SUPT3H: variants seen among roughly 807,000 people sequenced by gnomAD.
SUPT3H encodes transcription initiation protein SPT3 homolog.
SUPT3H carries 44 observed loss-of-function variants against 44.3 expected under a neutral mutation model. The ratio of observed to expected loss-of-function variants is 0.99; its 90% CI spans 0.78 to 1.28. The LOEUF is 1.28. Ranked by LOEUF, SUPT3H falls within the 50% of genes most tolerant of loss-of-function variation. SUPT3H has a pLI of 0.00. For missense variants in SUPT3H, 380 were observed against 387.1 expected (o/e 0.98, Z 0.15); for synonymous variants, 124 against 125.6 (o/e 0.99, Z 0.09).
chr6:45,153,807 C>A (rs1179194049), intron 2 of SUPT3H, among the ~76,000 whole-genome samples: 1 of 152,098 alleles, frequency 6.6e-6, no homozygotes, highest in African/African-American at 2.4e-5. Flanking sequence ...GTGGCTCACG[C>A]CTGTAATCCC....
intron 2 of SUPT3H, among the ~76,000 whole-genome samples, chr6:45,326,381 T>C (rs889247116): frequency 6.6e-6 from 1 of 151,884 alleles, no homozygotes; most frequent in Non-Finnish European, 1.5e-5. Context: ...CTCCTTTTGT[T>C]TACTTTGGAT....
At chr6:44,855,099 T>C (rs1773512693) in intron 10 of SUPT3H, among the ~76,000 whole-genome samples, 1 of 152,346 alleles carries the variant, frequency 6.6e-6, no homozygotes, top group African/African-American at 2.4e-5. Flanking sequence ...AAGAAACTCA[T>C]GTTTTCTGAT....
rs146988847 is a variant in SUPT3H, at chr6:45,282,267, G to A, written c.101+82934C>T. ...GACTTTGACAAGTTGAGAGAAGAAG[G>A]TTTCAGACAATCAAACTAATCCGAG... On this transcript the variant is annotated intron_variant, in intron 2 of 10. Coordinates refer to ENST00000371459, the MANE Select transcript of SUPT3H (RefSeq NM_003599.4). Among the ~76,000 whole-genome samples, 1,134 of 152,280 alleles carry A rather than the reference G, an allele frequency of 7.4e-3. 9 individuals carry two copies. The highest frequency in any genetic ancestry group is 0.011 in the Non-Finnish European group (749 of 68,014).
chr6:45,174,136 A>G (rs2153607968), intron 2 of SUPT3H, among the ~76,000 whole-genome samples: 1 of 152,362 alleles, frequency 6.6e-6, no homozygotes, highest in South Asian at 2.1e-4. Context: ...AAGAAACCTG[A>G]AAAAGACTTT....
chr6:45,295,227 A>C (rs1780954247), intron 2 of SUPT3H, among the ~76,000 whole-genome samples: 1 of 152,092 alleles, frequency 6.6e-6, no homozygotes, highest in South Asian at 2.1e-4. Context: ...AAAAACAAAC[A>C]AACAAAACAT....
intron 10 of SUPT3H, among the ~76,000 whole-genome samples, chr6:44,930,996 T>G (rs1480206273): frequency 6.6e-6 from 1 of 152,160 alleles, no homozygotes; most frequent in Non-Finnish European, 1.5e-5. Context: ...GGAAAAGATA[T>G]ACACACACAC....
At chr6:45,303,201 TGGCTTAGGCAAA>T (rs1159031315) in intron 2 of SUPT3H, among the ~76,000 whole-genome samples, 1 of 152,134 alleles carries the variant, frequency 6.6e-6, no homozygotes, top group Non-Finnish European at 1.5e-5. Context: ...TTCTAGACCC[TGGCTTAGGCAAA>T]GACTTCATGA....
chr6:45,184,257 G>A (rs1341788041), intron 2 of SUPT3H, among the ~76,000 whole-genome samples: 2 of 152,116 alleles, frequency 1.3e-5, no homozygotes, highest in Non-Finnish European at 2.9e-5. Flanking sequence ...CGCCTCTGAA[G>A]TGTATGCTTA....
At chr6:45,187,830 T>G (rs1177768149) in intron 2 of SUPT3H, among the ~76,000 whole-genome samples, 1 of 152,200 alleles carries the variant, frequency 6.6e-6, no homozygotes, top group Non-Finnish European at 1.5e-5. Flanking sequence ...GCAAATCAAG[T>G]CTGGCAATAT....
chr6:45,184,093 C>T (rs1813751241), intron 2 of SUPT3H, among the ~76,000 whole-genome samples: 1 of 151,964 alleles, frequency 6.6e-6, no homozygotes, highest in South Asian at 2.1e-4. Flanking sequence ...TAATGCAAGA[C>T]GTTAATAAGT....
At chr6:44,892,141 T>C (rs1273962712) in intron 10 of SUPT3H, among the ~76,000 whole-genome samples, 1 of 152,184 alleles carries the variant, frequency 6.6e-6, no homozygotes, top group Non-Finnish European at 1.5e-5. Context: ...AGAACTGCTA[T>C]GGACTGAACT....
intron 2 of SUPT3H, among the ~76,000 whole-genome samples, chr6:45,108,756 T>A (rs1799642394): frequency 6.6e-6 from 1 of 152,056 alleles, no homozygotes; most frequent in African/African-American, 2.4e-5. Context: ...TTAAACCCTT[T>A]AAGAACCAGA....
rs1320997943 is a variant in SUPT3H at position 45,121,574 on chromosome 6, ATATTTAACATTTTAAATTAACCTGT to A, written c.102-15593_102-15569del. Among the ~76,000 whole-genome samples, 4 of 152,258 alleles carry A rather than the reference ATATTTAACATTTTAAATTAACCTGT, an allele frequency of 2.6e-5. No individual in the cohort carries two copies. The East Asian group carries it at 7.7e-4, about 29-fold the overall frequency. On this transcript the variant is annotated intron_variant, in intron 2 of 10. Transcript: ENST00000371459. The stretch of plus-strand genomic sequence containing the variant: ...TTTCACAGTTGAATGACTCAAAACA[ATATTTAACATTTTAAATTAACCTGT>A]TCATAATGCAGTATTCAATTCTTCA...
chr6:45,167,666 G>GTT lies in SUPT3H; in HGVS notation c.102-61662_102-61661dup, dbSNP rs60203219. Among the ~76,000 whole-genome samples the GTT allele has an allele frequency of 8.5e-3, 1,236 of 145,746 alleles. 10 individuals carry two copies. Among genetic ancestry groups the GTT allele is most frequent in the Admixed American group, 0.012 (169 of 14,574 alleles). ...ACACAAGACACTTGTGATTTTGGCT[G>GTT]TTTTTTTTTTTCTAGCTGGAATAAG... On this transcript the variant is annotated intron_variant, in intron 2 of 10. Coordinates refer to ENST00000371459, the MANE Select transcript of SUPT3H (RefSeq NM_003599.4).
chr6:44,890,773 A>AT (rs1554150486), intron 10 of SUPT3H, among the ~76,000 whole-genome samples: 1 of 150,336 alleles, frequency 6.7e-6, no homozygotes, highest in Admixed American at 6.7e-5. Flanking sequence ...ATAATAATAA[A>AT]AAAAAAAGAA....
chr6:45,068,418 C>G (rs1230804277), intron 3 of SUPT3H, among the ~76,000 whole-genome samples: 3 of 148,262 alleles, frequency 2.0e-5, no homozygotes, highest in Non-Finnish European at 4.5e-5. Flanking sequence ...ACATATGTAA[C>G]TAACCTGCAC....
At chr6:45,139,669 C>G (rs891636618) in intron 2 of SUPT3H, among the ~76,000 whole-genome samples, 4 of 152,044 alleles carry the variant, frequency 2.6e-5, no homozygotes, top group Admixed American at 2.6e-4. Flanking sequence ...TTACGTAAAG[C>G]TGAAATGTAT....
rs9381360 is a variant in SUPT3H at position 45,043,666 on chromosome 6, T to C, written c.187-23034A>G. Among the ~76,000 whole-genome samples, 370 of 152,248 alleles carry C rather than the reference T, an allele frequency of 2.4e-3. 13 individuals are homozygous for C. In the East Asian group the frequency reaches 0.064, roughly 26 times the overall value. On this transcript the variant is annotated intron_variant, in intron 3 of 10. Coordinates refer to ENST00000371459, the MANE Select transcript of SUPT3H (RefSeq NM_003599.4). ...ATGTCCCAGCTTGCCTTCAAGGAGC[T>C]TATTCTACTATGGAAGACTATACAC...
At chr6:45,055,592 ATGGTGC>A (rs1455322268) in intron 3 of SUPT3H, among the ~76,000 whole-genome samples, 1 of 152,188 alleles carries the variant, frequency 6.6e-6, no homozygotes, top group African/African-American at 2.4e-5. Context: ...TATTCAACAA[ATGGTGC>A]TGGGATAATT....
Sources: allele counts gnomAD v4.1 joint callset (sites outside exome capture counted in the v4.1 genomes callset), GRCh38; gene constraint gnomAD v4.1.1; transcripts MANE v1.5; gene names NCBI Gene and HGNC (gene_info 2026-07-23, HGNC 2026-07-21).